PRKAG1: variants seen among roughly 807,000 people sequenced by gnomAD.
PRKAG1 encodes the protein protein kinase AMP-activated non-catalytic subunit gamma 1, also known as 5'-AMP-activated protein kinase subunit gamma-1.
Under a neutral mutation model 48.2 loss-of-function variants are expected in PRKAG1, and 27 were observed. That is an observed-to-expected ratio of 0.56 (90% confidence interval 0.41 to 0.77). The LOEUF is 0.77. PRKAG1 is among the 30% of genes least tolerant of loss of function. The pLI, the probability that PRKAG1 is intolerant of heterozygous loss-of-function variation, is 0.00. For missense variants in PRKAG1, 287 were observed against 398.3 expected (o/e 0.72, Z 2.38); for synonymous variants, 130 against 147.7 (o/e 0.88, Z 0.87).
chr12:49,003,470 C>T lies in PRKAG1; in HGVS notation c.741+88G>A, dbSNP rs962478841. ...GGAAGCTTCTAAGACCCTTAGATCA[C>T]AGAAGAGACTCCCTTCTCCCTCTCC... On this transcript the variant is annotated intron_variant, in intron 10 of 11. Coordinates refer to ENST00000548065, the MANE Select transcript of PRKAG1 (RefSeq NM_002733.5). 6 of 1,557,382 alleles carry T rather than the reference C, an allele frequency of 3.9e-6. No individual in the cohort carries two copies. The African/African-American group carries it at 8.2e-5, about 21-fold the overall frequency.
chr12:49,016,328 G>A (rs764486977), intron 1 of PRKAG1, among the ~76,000 whole-genome samples: 3 of 152,164 alleles, frequency 2.0e-5, no homozygotes, highest in Non-Finnish European at 2.9e-5. Flanking sequence ...GTCTACATCT[G>A]ACAAATAGAC....
chr12:49,015,508 G>A (rs1592286637), intron 1 of PRKAG1, among the ~76,000 whole-genome samples: 1 of 152,290 alleles, frequency 6.6e-6, no homozygotes, highest in East Asian at 1.9e-4. Flanking sequence ...AGGGAGGAAA[G>A]AAACATAGAG....
At chr12:49,015,568 A>G (rs1313842931) in intron 1 of PRKAG1, among the ~76,000 whole-genome samples, 5 of 152,108 alleles carry the variant, frequency 3.3e-5, no homozygotes, top group Non-Finnish European at 7.4e-5. Context: ...ACAACTGCAT[A>G]TGTGACTTTT....
intron 2 of PRKAG1, among the ~76,000 whole-genome samples, chr12:49,010,991 T>A (rs928145769): frequency 3.3e-5 from 5 of 151,818 alleles, no homozygotes; most frequent in African/African-American, 1.2e-4. Flanking sequence ...TTACGGCACA[T>A]GTCACCATGC....
intron 2 of PRKAG1, among the ~76,000 whole-genome samples, chr12:49,006,169 A>G (rs1941528316): frequency 6.6e-6 from 1 of 152,154 alleles, no homozygotes; most frequent in Non-Finnish European, 1.5e-5. Context: ...CTCATCTTTA[A>G]TCCAAGCTTT....
chr12:49,003,858 T>C lies in PRKAG1; in HGVS notation c.602A>G (p.Tyr201Cys). The C allele has an allele frequency of 6.2e-7, 1 of 1,613,920 alleles. No individual in the cohort carries two copies. Among genetic ancestry groups the C allele is most frequent in the Non-Finnish European group, 8.5e-7 (1 of 1,179,838 alleles). Residue 201 changes from tyrosine (Y) to cysteine (C), a missense_variant, in exon 9 of 12, where the codon TAT becomes TGT. Physicochemically the swap from Tyr to Cys is radical, Grantham distance 194. This residue lies in a region of PRKAG1 where 224 missense variants were observed against 344.3 expected (regional missense o/e 0.65). Coordinates refer to ENST00000548065, the MANE Select transcript of PRKAG1 (RefSeq NM_002733.5). ...AGTGCGAACCATAGCAATATTGGCA[T>C]AGGTGCCAATCTGTAGCTCTTCCAG... ...KSLEELQIGT[Y>C]ANIAMVRTTT...
chr12:49,012,966 AT>A, intron 2 of PRKAG1, 95 bp downstream of exon 2: 1 of 1,318,096 alleles, frequency 7.6e-7, no homozygotes, highest in Non-Finnish European at 1.1e-6. Context: ...CCCTGCTTTG[AT>A]TTTTCCAGGG....
chr12:49,003,728 C>T (rs776624682), intron 9 of PRKAG1, 29 bp downstream of exon 9: 3 of 1,606,432 alleles, frequency 1.9e-6, no homozygotes, highest in South Asian at 2.2e-5. Flanking sequence ...CTGGATCTTC[C>T]CTCCCTCTCC....
intron 1 of PRKAG1, among the ~76,000 whole-genome samples, chr12:49,013,793 T>TA (rs1941857111): frequency 6.6e-6 from 1 of 152,216 alleles, no homozygotes; most frequent in Admixed American, 6.5e-5. Context: ...AACAAATTTT[T>TA]AAAAAACTAC....
At chr12:49,016,177 G>A (rs1941961357) in intron 1 of PRKAG1, among the ~76,000 whole-genome samples, 1 of 152,070 alleles carries the variant, frequency 6.6e-6, no homozygotes, top group South Asian at 2.1e-4. Context: ...GGGCTCAAGC[G>A]ATCCGGCCAC....
intron 2 of PRKAG1, among the ~76,000 whole-genome samples, chr12:49,009,747 G>T (rs909842304): frequency 2.0e-5 from 3 of 151,960 alleles, no homozygotes; most frequent in Non-Finnish European, 4.4e-5. Flanking sequence ...CGAGTATCTG[G>T]GATTACAGGT....
At chr12:49,004,705 T>A in intron 7 of PRKAG1, 72 bp from the exon 8 acceptor site, 1 of 1,599,494 alleles carries the variant, frequency 6.3e-7, no homozygotes, top group East Asian at 2.2e-5. Context: ...CCATACAGTG[T>A]ATTGCTCAAC....
chr12:49,004,671 G>C, intron 7 of PRKAG1, 38 bp from the exon 8 acceptor site: 1 of 1,613,622 alleles, frequency 6.2e-7, no homozygotes, highest in Non-Finnish European at 8.5e-7. Context: ...CCACAGTGCT[G>C]GGGCTGGGGG....
rs573022485 is a variant in PRKAG1 at position 49,004,230 on chromosome 12, T to C, written c.537+277A>G. 9.5e-6 allele frequency: 5 copies of C among 524,732 alleles called. No homozygotes were observed. In the East Asian group the frequency reaches 1.7e-4, roughly 18 times the overall value. 32.5% of individuals were successfully genotyped at this position (524,732 alleles called of 1,614,324 possible). ...CACCTGAGACCAAGAGGTTGGAGGCTGCAGTGAGCCATGATAGCGCCTCTG... is the reference window on the plus strand; with the variant it reads ...CACCTGAGACCAAGAGGTTGGAGGCCGCAGTGAGCCATGATAGCGCCTCTG... On this transcript the variant is annotated intron_variant, in intron 8 of 11. Coordinates refer to ENST00000548065, the MANE Select transcript of PRKAG1 (RefSeq NM_002733.5).
Position 49,002,600 on chromosome 12 carries a change from A to AT in PRKAG1, c.*298dup. 1 of 462,834 alleles carries AT rather than the reference A, an allele frequency of 2.2e-6. No homozygotes were observed. The highest frequency in any genetic ancestry group is 3.3e-5 in the Admixed American group (1 of 29,946). 28.7% of individuals were successfully genotyped at this position (462,834 alleles called of 1,614,324 possible). A position where few individuals can be genotyped will look rare whatever the true frequency, so the allele number is the denominator to read the frequency against. On this transcript the variant is annotated 3_prime_UTR_variant, in exon 12 of 12. Coordinates refer to ENST00000548065, the MANE Select transcript of PRKAG1 (RefSeq NM_002733.5). ...GTCTGGGGATCTCTTAGAGATCAGA[A>AT]TTTGTCTGAGAGGCACAGAGCCTAT...
chr12:49,006,030 G>C (rs1276506523), intron 2 of PRKAG1, 178 bp from the exon 3 acceptor site: 2 of 547,004 alleles, frequency 3.7e-6, no homozygotes, highest in African/African-American at 3.9e-5. Flanking sequence ...AAACCTCTTA[G>C]AAACCATTTC....
chr12:49,004,073 T>C, intron 8 of PRKAG1, 151 bp from the exon 9 acceptor site: 2 of 1,086,010 alleles, frequency 1.8e-6, no homozygotes, highest in Non-Finnish European at 2.5e-6. Context: ...ACATATTGCT[T>C]GAGCCCAGGA....
intron 1 of PRKAG1, among the ~76,000 whole-genome samples, chr12:49,014,536 T>C (rs541962954): frequency 6.6e-6 from 1 of 152,344 alleles, no homozygotes; most frequent in South Asian, 2.1e-4. Context: ...CCACAGACAC[T>C]GGTTCCACCA....
chr12:49,004,081 G>C (rs1288415415), intron 8 of PRKAG1, 159 bp from the exon 9 acceptor site: 1 of 993,024 alleles, frequency 1.0e-6, no homozygotes, highest in African/African-American at 1.6e-5. Flanking sequence ...CTTGAGCCCA[G>C]GAGTTCGAGA....
Sources: gnomAD v4.1 joint callset for allele counts (sites outside exome capture counted in the v4.1 genomes callset) on GRCh38, gnomAD v4.1.1 for gene constraint, gnomAD v4.1.1 regional missense constraint, MANE v1.5 for transcripts, NCBI Gene and HGNC (gene_info 2026-07-23, HGNC 2026-07-21) for gene names.